The following ST6GALNAC3 variants were observed in gnomAD, a reference collection of about 807,000 sequenced individuals.
ST6GALNAC3 encodes ST6 N-acetylgalactosaminide alpha-2,6-sialyltransferase 3, also known as alpha-N-acetylgalactosaminide alpha-2,6-sialyltransferase 3.
In ST6GALNAC3, 25 loss-of-function variants were observed where a neutral mutation model predicts 32.7. The ratio of observed to expected loss-of-function variants is 0.76; its 90% confidence interval spans 0.56 to 1.07. The LOEUF is 1.07. Ranked by LOEUF, ST6GALNAC3 falls within the 50% of genes least tolerant of loss-of-function variation. The pLI is 0.00. For missense variants in ST6GALNAC3, 355 were observed against 382.4 expected, an observed-to-expected ratio of 0.93 and a Z score of 0.60; for synonymous variants, 129 against 133.1, an observed-to-expected ratio of 0.97 and a Z score of 0.21.
chr1:76,488,011 G>A (rs1057474432), intron 3 of ST6GALNAC3, among the ~76,000 whole-genome samples: 9 of 152,188 alleles, frequency 5.9e-5, no homozygotes, highest in Admixed American at 1.3e-4. Context: ...TGTTTGCCTG[G>A]GTATCAGCAG....
At chr1:76,112,389 T>A (rs1483130644) in intron 1 of ST6GALNAC3, among the ~76,000 whole-genome samples, 1 of 140,548 alleles carries the variant, frequency 7.1e-6, no homozygotes, top group Non-Finnish European at 1.5e-5. Context: ...CCCACCTCCT[T>A]CCCGGACTGG....
chr1:76,397,679 G>A (rs1039666737), intron 2 of ST6GALNAC3, among the ~76,000 whole-genome samples: 1 of 151,944 alleles, frequency 6.6e-6, no homozygotes, highest in African/African-American at 2.4e-5. Context: ...CGGCCAAGGT[G>A]TTCATTTTTC....
At chr1:76,261,493 C>T (rs928105174) in intron 1 of ST6GALNAC3, among the ~76,000 whole-genome samples, 1 of 152,218 alleles carries the variant, frequency 6.6e-6, no homozygotes, top group African/African-American at 2.4e-5. Context: ...ATCCAGTAGC[C>T]ATTCTGGTCC....
Position 76,195,294 on chromosome 1 carries a change from A to C in ST6GALNAC3, c.19-118511A>C, listed in dbSNP as rs532707618. Among the ~76,000 whole-genome samples the C allele has an allele frequency of 2.6e-5, 4 of 152,340 alleles. No homozygotes were observed. The South Asian group carries it at 8.3e-4, about 32-fold the overall frequency. ...TTCCTTTCAGGAAAAAATTATGTTCATGAAAAAAGCAATTATTTGAGTTTG... is the reference window on the plus strand; with the variant it reads ...TTCCTTTCAGGAAAAAATTATGTTCCTGAAAAAAGCAATTATTTGAGTTTG... On this transcript the variant is annotated intron_variant, in intron 1 of 4. Coordinates refer to ENST00000328299, the MANE Select transcript of ST6GALNAC3 (RefSeq NM_152996.4).
rs899879514 is a variant in ST6GALNAC3, at chr1:76,209,927, T to G, written c.19-103878T>G. Among the ~76,000 whole-genome samples, 3 of 152,178 alleles carry G rather than the reference T, an allele frequency of 2.0e-5. No individual in the cohort carries two copies. The South Asian group carries it at 6.2e-4, about 32-fold the overall frequency. On this transcript the variant is annotated intron_variant, in intron 1 of 4. Transcript: ENST00000328299. ...CTGAATTGCTGCCCCTCAAGTTATA[T>G]TCAAACAACTCTATTAAGATAACGT...
chr1:76,118,747 A>G (rs1346649993), intron 1 of ST6GALNAC3, among the ~76,000 whole-genome samples: 1 of 152,230 alleles, frequency 6.6e-6, no homozygotes. Flanking sequence ...TCATATTTCT[A>G]TAAGGATTCT....
intron 1 of ST6GALNAC3, among the ~76,000 whole-genome samples, chr1:76,157,800 A>T (rs192990344): frequency 6.6e-6 from 1 of 152,344 alleles, no homozygotes; most frequent in East Asian, 1.9e-4. Context: ...CACCCATTTA[A>T]CTATCCTCCA....
In ST6GALNAC3 at chr1:76,313,841, T is replaced by G; in HGVS notation, c.55T>G (p.Phe19Val). The change falls in exon 2 of 5, where the codon TTC becomes GTC. Residue 19 changes from phenylalanine (F) to valine (V), a missense_variant. Phe to Val is a conservative substitution (Grantham distance 50). Transcript: ENST00000328299. ...GATTGCTGTGAGCTTCATAGCAGCG[T>G]TCCTTTTCCTGCTGGTTGTGCGTCT... ...SVIAVSFIAA[F>V]LFLLVVRLVN... 1 of 1,613,630 alleles carries G rather than the reference T, an allele frequency of 6.2e-7. No individual in the cohort carries two copies. The highest frequency in any genetic ancestry group is 8.5e-7 in the Non-Finnish European group (1 of 1,179,726).
At chr1:76,398,167 AAG>A (rs1043530840) in intron 2 of ST6GALNAC3, among the ~76,000 whole-genome samples, 42 of 152,302 alleles carry the variant, frequency 2.8e-4, no homozygotes, top group African/African-American at 7.5e-4. Context: ...TACAAAAAAA[AAG>A]AGAGTCTTCT....
At chr1:76,090,156 C>G (rs1250224160) in intron 1 of ST6GALNAC3, among the ~76,000 whole-genome samples, 3 of 152,152 alleles carry the variant, frequency 2.0e-5, no homozygotes, top group African/African-American at 7.2e-5. Context: ...GGTCTTCTAC[C>G]TCTGTAGAGG....
intron 1 of ST6GALNAC3, among the ~76,000 whole-genome samples, chr1:76,139,150 C>T (rs1301533831): frequency 1.3e-5 from 2 of 151,476 alleles, no homozygotes; most frequent in Non-Finnish European, 2.9e-5. Context: ...GCCGAGATCG[C>T]GCCACTGCAC....
In ST6GALNAC3 at chr1:76,566,659, G is replaced by A. The variant is rs1464626366; in HGVS notation, c.624-60793G>A. Among the ~76,000 whole-genome samples the A allele has an allele frequency of 2.0e-5, 3 of 152,080 alleles. No homozygotes were observed. In the East Asian group the frequency reaches 5.8e-4, roughly 29 times the overall value. ...AATGTCACCTAACCAGAAAGGCTTT[G>A]TTGAACCACCCCAGATAAAATAAAG... On this transcript the variant is annotated intron_variant, in intron 3 of 4. Transcript: ENST00000328299.
chr1:76,187,365 T>C (rs943153106), intron 1 of ST6GALNAC3, among the ~76,000 whole-genome samples: 1 of 152,238 alleles, frequency 6.6e-6, no homozygotes, highest in African/African-American at 2.4e-5. Context: ...ATATGTGTCT[T>C]TTACTCTCAG....
chr1:76,606,166 C>T (rs1647532558), intron 3 of ST6GALNAC3, among the ~76,000 whole-genome samples: 1 of 152,036 alleles, frequency 6.6e-6, no homozygotes, highest in African/African-American at 2.4e-5. Flanking sequence ...GGTGATTCCT[C>T]AAAGACCTAG....
intron 1 of ST6GALNAC3, among the ~76,000 whole-genome samples, chr1:76,083,856 A>G (rs528713019): frequency 8.5e-5 from 13 of 152,350 alleles, no homozygotes; most frequent in Middle Eastern, 6.8e-3. Context: ...ATTTTTCATC[A>G]GAAATATTTG....
At chr1:76,518,853 TC>T (rs1356702361) in intron 3 of ST6GALNAC3, among the ~76,000 whole-genome samples, 1 of 151,906 alleles carries the variant, frequency 6.6e-6, no homozygotes, top group African/African-American at 2.4e-5. Flanking sequence ...TTACTGGAGG[TC>T]AGAAGTTCAA....
At chr1:76,476,789 C>A (rs561557121) in intron 3 of ST6GALNAC3, among the ~76,000 whole-genome samples, 2 of 152,314 alleles carry the variant, frequency 1.3e-5, no homozygotes, top group South Asian at 4.1e-4. Flanking sequence ...AAATGAGCAG[C>A]TGGTCAGCCG....
chr1:76,552,050 T>G (rs1473088259), intron 3 of ST6GALNAC3, among the ~76,000 whole-genome samples: 1 of 152,194 alleles, frequency 6.6e-6, no homozygotes, highest in Non-Finnish European at 1.5e-5. Flanking sequence ...ATGCAGAGAC[T>G]GTTGCACCCT....
intron 1 of ST6GALNAC3, among the ~76,000 whole-genome samples, chr1:76,240,746 C>T (rs1387589768): frequency 1.3e-5 from 2 of 152,272 alleles, no homozygotes; most frequent in Admixed American, 1.3e-4. Context: ...TGCACACACA[C>T]AGAAACAAAA....
Sources: allele counts gnomAD v4.1 joint callset (sites outside exome capture counted in the v4.1 genomes callset), GRCh38; gene constraint gnomAD v4.1.1; transcripts MANE v1.5; gene names NCBI Gene and HGNC (gene_info 2026-07-23, HGNC 2026-07-21).